CYP2J2: variants seen among roughly 807,000 people sequenced by gnomAD.
CYP2J2 encodes cytochrome P450 2J2.
Under a neutral mutation model 48.8 loss-of-function variants are expected in CYP2J2, and 41 were observed. The observed-to-expected ratio is 0.84, with a 90% confidence interval of 0.66 to 1.09. The LOEUF is 1.09. Ranked by LOEUF, CYP2J2 falls within the 50% of genes least tolerant of loss-of-function variation. The pLI, the probability that CYP2J2 is intolerant of heterozygous loss-of-function variation, is 0.00. For missense variants in CYP2J2, 644 were observed against 617.3 expected (o/e 1.04, Z -0.46); for synonymous variants, 221 against 227.1 (o/e 0.97, Z 0.24).
intron 7 of CYP2J2, among the ~76,000 whole-genome samples, chr1:59,903,440 C>T (rs1644337860): frequency 6.6e-6 from 1 of 152,166 alleles, no homozygotes; most frequent in African/African-American, 2.4e-5. Flanking sequence ...AAATGAAATA[C>T]TGCATGTTCT....
At chr1:59,929,035 C>T (rs1271221092), upstream of CYP2J2, among the ~76,000 whole-genome samples, 1 of 152,206 alleles carries the variant, frequency 6.6e-6, no homozygotes, top group South Asian at 2.1e-4. Context: ...GTAGAGCAAT[C>T]AGCTGGAAGT....
At chr1:59,912,011 T>G (rs1307616114) in intron 3 of CYP2J2, 151 bp downstream of exon 3, 2 of 998,016 alleles carry the variant, frequency 2.0e-6, no homozygotes, top group African/African-American at 1.6e-5. Flanking sequence ...TATTTACTTC[T>G]AAAACTCTTT....
At chr1:59,965,584 G>T in the CYP2J2 span, among the ~76,000 whole-genome samples, 4 of 152,168 alleles carry the variant, frequency 2.6e-5, no homozygotes, top group African/African-American at 9.7e-5. Flanking sequence ...TGGGATGAAC[G>T]CTCAGTGGAT....
chr1:59,962,000 ATTTT>A, the CYP2J2 span, among the ~76,000 whole-genome samples: 1 of 147,554 alleles, frequency 6.8e-6, no homozygotes, highest in African/African-American at 2.5e-5. Context: ...GTGATAAGGG[ATTTT>A]TTTTTTTGCA....
At chr1:59,911,848 A>G in intron 3 of CYP2J2, 80 bp from the exon 4 acceptor site, 1 of 1,404,184 alleles carries the variant, frequency 7.1e-7, no homozygotes, top group Non-Finnish European at 9.9e-7. Flanking sequence ...TTTACATGGC[A>G]TAAGACATAC....
chr1:59,916,201 G>A (rs900046657), intron 1 of CYP2J2, 101 bp from the exon 2 acceptor site: 36 of 963,556 alleles, frequency 3.7e-5, no homozygotes, highest in Non-Finnish European at 4.3e-5. Context: ...AGAGGAGTGC[G>A]TGTGTCTGTG....
chr1:59,966,939 G>A, the CYP2J2 span, among the ~76,000 whole-genome samples: 1 of 151,994 alleles, frequency 6.6e-6, no homozygotes, highest in Admixed American at 6.5e-5. Flanking sequence ...GTGGTTGAAA[G>A]GCACAAGTTC....
At chr1:59,893,904 C>T in intron 8 of CYP2J2, 75 bp from the exon 9 acceptor site, 7 of 1,408,356 alleles carry the variant, frequency 5.0e-6, no homozygotes, top group Non-Finnish European at 6.7e-6. Context: ...TATCCTCAAT[C>T]ATATCCCCAA....
At chr1:59,899,338 C>T (rs757723749) in intron 8 of CYP2J2, among the ~76,000 whole-genome samples, 7 of 152,096 alleles carry the variant, frequency 4.6e-5, no homozygotes, top group Non-Finnish European at 8.8e-5. Context: ...CCAGTGTGAG[C>T]GGAGGTGACA....
chr1:59,901,249 C>A, intron 7 of CYP2J2, 146 bp from the exon 8 acceptor site: 4 of 725,190 alleles, frequency 5.5e-6, no homozygotes, highest in Non-Finnish European at 8.9e-6. Flanking sequence ...TCTCCTGTGT[C>A]CCCCAACCCA....
the CYP2J2 span, among the ~76,000 whole-genome samples, chr1:59,943,936 T>C: frequency 2.0e-5 from 3 of 152,146 alleles, no homozygotes; most frequent in African/African-American, 7.2e-5. Context: ...GGAGTTGAAG[T>C]GGAGACAGCA....
At chr1:59,942,806 G>A in the CYP2J2 span, among the ~76,000 whole-genome samples, 1 of 152,160 alleles carries the variant, frequency 6.6e-6, no homozygotes, top group African/African-American at 2.4e-5. Context: ...GATGAGAAGA[G>A]AGTAATAAAA....
chr1:59,968,614 C>T, the CYP2J2 span, among the ~76,000 whole-genome samples: 7 of 152,226 alleles, frequency 4.6e-5, no homozygotes, highest in Non-Finnish European at 7.3e-5. Context: ...CCATTGGCTG[C>T]AGAGCATGAG....
chr1:59,922,309 C>T (rs1644523611), intron 1 of CYP2J2, among the ~76,000 whole-genome samples: 1 of 152,172 alleles, frequency 6.6e-6, no homozygotes, highest in South Asian at 2.1e-4. Context: ...GAAGCACCAC[C>T]AGATCATACC....
intron 6 of CYP2J2, 83 bp from the exon 7 acceptor site, chr1:59,905,141 T>C (rs1370550070): frequency 1.5e-6 from 2 of 1,363,498 alleles, no homozygotes; most frequent in East Asian, 2.4e-5. Context: ...CAAGATGTCA[T>C]CTGTTGTATT....
At chr1:59,926,335 C>A (rs1209354517) in intron 1 of CYP2J2, among the ~76,000 whole-genome samples, 1 of 152,132 alleles carries the variant, frequency 6.6e-6, no homozygotes, top group Non-Finnish European at 1.5e-5. Context: ...TAATAATATT[C>A]CATCCCTAGA....
chr1:59,968,780 C>T, the CYP2J2 span, among the ~76,000 whole-genome samples: 1 of 152,252 alleles, frequency 6.6e-6, no homozygotes, highest in Non-Finnish European at 1.5e-5. Flanking sequence ...CCTCTCCGAG[C>T]TGCTCCAACC....
chr1:59,936,515 A>G, the CYP2J2 span, among the ~76,000 whole-genome samples: 1 of 152,138 alleles, frequency 6.6e-6, no homozygotes, highest in African/African-American at 2.4e-5. Context: ...ATCTGAATAA[A>G]TATTTTTTCC....
chr1:59,904,400 A>G (rs1262338374), intron 7 of CYP2J2: 1 of 153,402 alleles, frequency 6.5e-6, no homozygotes, highest in African/African-American at 2.4e-5. Context: ...ACCAGCATTA[A>G]TATGATGTTG....
Sources: allele counts gnomAD v4.1 joint callset (sites outside exome capture counted in the v4.1 genomes callset), GRCh38; gene constraint gnomAD v4.1.1; transcripts MANE v1.5; gene names NCBI Gene and HGNC (gene_info 2026-07-23, HGNC 2026-07-21).